RBFOX1: variants seen among roughly 807,000 people sequenced by gnomAD.
RBFOX1 encodes RNA binding fox-1 homolog 1.
Under a neutral mutation model 57.7 loss-of-function variants are expected in RBFOX1, and 8 were observed. The ratio of observed to expected loss-of-function variants is 0.14; its 90% confidence interval spans 0.08 to 0.25. The LOEUF is 0.25. Ranked by LOEUF, RBFOX1 falls within the 10% of genes least tolerant of loss-of-function variation. RBFOX1 has a pLI of 1.00. For missense variants in RBFOX1, 611 were observed against 548.5 expected (o/e 1.11, Z -1.14); for synonymous variants, 326 against 222.4 (o/e 1.47, Z -4.15).
chr16:6,866,164 A>G (rs897149423), intron 3 of RBFOX1, among the ~76,000 whole-genome samples: 1 of 152,118 alleles, frequency 6.6e-6, no homozygotes, highest in African/African-American at 2.4e-5. Flanking sequence ...TCTTTATATT[A>G]TAAAACAGCT....
chr16:6,664,679 T>C (rs1431614871), intron 3 of RBFOX1, among the ~76,000 whole-genome samples: 1 of 152,174 alleles, frequency 6.6e-6, no homozygotes, highest in East Asian at 1.9e-4. Context: ...GTGTCTGAAA[T>C]TGCGTGTTCA....
intron 3 of RBFOX1, among the ~76,000 whole-genome samples, chr16:6,786,008 A>G (rs558912760): frequency 6.6e-6 from 1 of 152,172 alleles, no homozygotes; most frequent in South Asian, 2.1e-4. Context: ...TAAACACCCC[A>G]TCTTGAGCTT....
intron 2 of RBFOX1, among the ~76,000 whole-genome samples, chr16:6,420,821 T>C (rs1485762425): frequency 3.3e-5 from 5 of 152,182 alleles, no homozygotes; most frequent in Non-Finnish European, 7.4e-5. Flanking sequence ...AGAAGACTTA[T>C]TTGGCACTCT....
intron 3 of RBFOX1, among the ~76,000 whole-genome samples, chr16:5,656,795 A>G (rs1054227768): frequency 3.3e-5 from 5 of 152,084 alleles, no homozygotes; most frequent in South Asian, 2.1e-4. Context: ...TATCCAGTCT[A>G]TCATTGATGG....
At chr16:7,179,922 T>G (rs994321350) in intron 4 of RBFOX1, among the ~76,000 whole-genome samples, 3 of 150,930 alleles carry the variant, frequency 2.0e-5, no homozygotes, top group Non-Finnish European at 4.4e-5. Context: ...TTTTTTTTTT[T>G]AGTAGAGATG....
intron 3 of RBFOX1, chr16:6,704,007 C>G (rs1432244750): frequency 6.6e-6 from 1 of 152,456 alleles, no homozygotes; most frequent in Non-Finnish European, 1.5e-5. Flanking sequence ...TGTCTCTCTC[C>G]TCTGACTTCT....
chr16:6,519,413 A>G (rs1489031623), intron 2 of RBFOX1, among the ~76,000 whole-genome samples: 2 of 152,162 alleles, frequency 1.3e-5, no homozygotes, highest in Non-Finnish European at 2.9e-5. Context: ...TTCTGATGGA[A>G]ACTGTGGCTG....
chr16:5,597,340 G>C (rs914208232), intron 2 of RBFOX1, among the ~76,000 whole-genome samples: 2 of 143,222 alleles, frequency 1.4e-5, no homozygotes, highest in Non-Finnish European at 3.0e-5. Flanking sequence ...AGACACACAC[G>C]ACCCTCTCTC....
At position 6,741,967 on chromosome 16, in the gene RBFOX1, C is replaced by A. The variant is rs897899389; in HGVS notation, c.-16+87317C>A. ...AATTCTGTATTATATTCTTGAAAAT[C>A]ATTAACAGAGTAGATTTCAAATGTT... On this transcript the variant is annotated intron_variant, in intron 3 of 15. Coordinates refer to ENST00000550418, the MANE Select transcript of RBFOX1 (RefSeq NM_018723.4). Among the ~76,000 whole-genome samples the A allele has an allele frequency of 3.3e-5, 5 of 152,050 alleles. No individual in the cohort carries two copies. The East Asian group carries it at 9.7e-4, about 29-fold the overall frequency.
chr16:6,784,723 G>A (rs573147465), intron 3 of RBFOX1, among the ~76,000 whole-genome samples: 2 of 151,654 alleles, frequency 1.3e-5, no homozygotes, highest in South Asian at 4.2e-4. Flanking sequence ...GTGCTTTATT[G>A]TGTGGATAGT....
chr16:7,267,122 A>T (rs538411388), intron 4 of RBFOX1, among the ~76,000 whole-genome samples: 3 of 152,268 alleles, frequency 2.0e-5, no homozygotes, highest in Middle Eastern at 3.4e-3. Context: ...ATTAAATGCA[A>T]TGGGGAGCTG....
chr16:5,388,987 C>T (rs554652701), intron 1 of RBFOX1, among the ~76,000 whole-genome samples: 2 of 151,452 alleles, frequency 1.3e-5, no homozygotes, highest in African/African-American at 2.4e-5. Flanking sequence ...GTCAGGAGAT[C>T]GAGACCATCT....
intron 12 of RBFOX1, among the ~76,000 whole-genome samples, chr16:7,663,254 C>A (rs143552618): frequency 1.3e-5 from 2 of 152,204 alleles, no homozygotes; most frequent in African/African-American, 2.4e-5. Flanking sequence ...ACGATGCACA[C>A]CTCAGCATCT....
At chr16:6,362,178 GC>G (rs370437275) in intron 2 of RBFOX1, among the ~76,000 whole-genome samples, 17 of 140,156 alleles carry the variant, frequency 1.2e-4, no homozygotes, top group South Asian at 7.4e-4. Context: ...CCCACCCCAC[GC>G]CCCCCCAAAA....
chr16:5,857,691 A>C (rs535656763), intron 3 of RBFOX1, among the ~76,000 whole-genome samples: 1 of 152,146 alleles, frequency 6.6e-6, no homozygotes, highest in Admixed American at 6.5e-5. Context: ...GGAGGCCAAG[A>C]CGGGCAGAAC....
chr16:6,850,127 C>T (rs11866481), intron 3 of RBFOX1, among the ~76,000 whole-genome samples: 3,477 of 152,246 alleles, frequency 0.023, 131 homozygotes, highest in African/African-American at 0.078. Flanking sequence ...CTAAAGTAAA[C>T]TTACAAGTTC....
rs371924947 is a variant in RBFOX1, at chr16:7,535,742, AT to A, written c.270+17354del. ...TATCACACATACATTAATCTACTAA[AT>A]ACACATGAACAATTTTACAACCACT... On this transcript the variant is annotated intron_variant, in intron 5 of 15. Transcript: ENST00000550418. Among the ~76,000 whole-genome samples, 271 of 152,352 alleles carry A rather than the reference AT, an allele frequency of 1.8e-3. 1 individual carries two copies. The highest frequency in any genetic ancestry group is 0.017 in the Middle Eastern group (5 of 294).
At chr16:5,717,491 A>G (rs1458810458) in intron 3 of RBFOX1, among the ~76,000 whole-genome samples, 12 of 152,094 alleles carry the variant, frequency 7.9e-5, no homozygotes, top group Admixed American at 6.5e-4. Flanking sequence ...GTAGTCTTTT[A>G]TCTCTCACCC....
chr16:6,997,190 C>A (rs2092332121), intron 3 of RBFOX1, among the ~76,000 whole-genome samples: 3 of 152,006 alleles, frequency 2.0e-5, no homozygotes, highest in Admixed American at 1.3e-4. Context: ...TAGCATTTTC[C>A]CCCAATAACT....
Sources: allele counts gnomAD v4.1 joint callset (sites outside exome capture counted in the v4.1 genomes callset), GRCh38; gene constraint gnomAD v4.1.1; transcripts MANE v1.5; gene names NCBI Gene and HGNC (gene_info 2026-07-23, HGNC 2026-07-21).